The following TIMM44 variants were observed in gnomAD, a reference collection of about 807,000 sequenced individuals.
TIMM44 encodes the protein translocase of inner mitochondrial membrane 44.
TIMM44 carries 37 observed loss-of-function variants against 63.8 expected under a neutral mutation model. The ratio of observed to expected loss-of-function variants is 0.58; its 90% CI spans 0.45 to 0.76. The LOEUF is 0.76. Ranked by LOEUF, TIMM44 falls within the 30% of genes least tolerant of loss-of-function variation. The probability of loss-of-function intolerance (pLI) is 0.00; values close to 1 mark genes in which losing one functional copy is unlikely to be tolerated. For missense variants in TIMM44, 573 were observed against 603.8 expected, an observed-to-expected ratio of 0.95 and a Z score of 0.54; for synonymous variants, 239 against 245.1, an observed-to-expected ratio of 0.98 and a Z score of 0.23.
chr19:7,928,748 G>C (rs1250109875), intron 10 of TIMM44: 1 of 150,656 alleles, frequency 6.6e-6, no homozygotes, highest in African/African-American at 2.4e-5. Flanking sequence ...GCGGAGGGGA[G>C]AGAAAAAAAA....
chr19:7,931,841 C>G (rs1237680452), intron 9 of TIMM44: 1 of 157,628 alleles, frequency 6.3e-6, no homozygotes, highest in Non-Finnish European at 1.4e-5. Context: ...GCACCCATCA[C>G]CCATCCCGGA....
chr19:7,942,439 G>GGA (rs1984335519), intron 1 of TIMM44, among the ~76,000 whole-genome samples: 1 of 143,734 alleles, frequency 7.0e-6, no homozygotes, highest in African/African-American at 2.5e-5. Context: ...AAAATTGGGG[G>GGA]AAAAAAAAAA....
intron 9 of TIMM44, chr19:7,931,442 C>A: frequency 1.9e-6 from 1 of 521,166 alleles, no homozygotes; most frequent in East Asian, 3.3e-5. Flanking sequence ...AGGCACCCCA[C>A]AGGGGGACCC....
intron 10 of TIMM44, among the ~76,000 whole-genome samples, chr19:7,930,555 C>T (rs1800834379): frequency 6.6e-6 from 1 of 152,136 alleles, no homozygotes; most frequent in Non-Finnish European, 1.5e-5. Flanking sequence ...AATCGCCTGC[C>T]TTGGCATCCC....
intron 3 of TIMM44, 85 bp from the exon 4 acceptor site, chr19:7,935,230 C>T (rs1431771715): frequency 5.7e-6 from 7 of 1,225,116 alleles, no homozygotes; most frequent in Admixed American, 2.1e-5. Context: ...CAGTGGCACG[C>T]TCTCGGCTCA....
intron 2 of TIMM44, among the ~76,000 whole-genome samples, chr19:7,938,662 CTGCGCATGGTGGTGTG>C (rs1468844679): frequency 6.6e-6 from 1 of 152,058 alleles, no homozygotes; most frequent in Non-Finnish European, 1.5e-5. Flanking sequence ...CAAAAGTTAG[CTGCGCATGGTGGTGTG>C]TGCCTTTAGT....
chr19:7,932,029 C>A (rs753517046), intron 9 of TIMM44, among the ~76,000 whole-genome samples: 3 of 152,188 alleles, frequency 2.0e-5, no homozygotes, highest in African/African-American at 7.2e-5. Context: ...AGGCCTGGCC[C>A]GACTGGGCCG....
chr19:7,942,163 A>G (rs1158792243), intron 1 of TIMM44, among the ~76,000 whole-genome samples: 1 of 152,154 alleles, frequency 6.6e-6, no homozygotes, highest in Non-Finnish European at 1.5e-5. Flanking sequence ...CCTGGCCAAC[A>G]TGGTGAAATC....
intron 4 of TIMM44, 33 bp downstream of exon 4, chr19:7,935,032 C>A (rs746584282): frequency 1.0e-5 from 16 of 1,594,836 alleles, no homozygotes; most frequent in Non-Finnish European, 1.4e-5. Context: ...CTTTGATGGC[C>A]CCAGCGGCTC....
chr19:7,941,788 G>T (rs939212260), intron 1 of TIMM44, among the ~76,000 whole-genome samples: 4 of 152,114 alleles, frequency 2.6e-5, no homozygotes, highest in Non-Finnish European at 5.9e-5. Flanking sequence ...GGGGAAGAAG[G>T]CTAAATGTAC....
rs775109125 is a variant in TIMM44, at chr19:7,941,208, G to A, written c.46-11C>T. On this transcript the variant is annotated splice_polypyrimidine_tract_variant and intron_variant, in intron 1 of 12. Coordinates refer to ENST00000270538, the MANE Select transcript of TIMM44 (RefSeq NM_006351.4). ...ACTGCCGAGGCATCTCTAATTGGGG[G>A]GAGAGAAGAGAAAGATCCATTCTAA... 1.3e-6 allele frequency: 2 copies of A among 1,598,728 alleles called. No homozygotes were observed. The highest frequency in any genetic ancestry group is 8.6e-7 in the Non-Finnish European group (1 of 1,166,090).
rs1352393916 is a variant in TIMM44, at chr19:7,943,616, G to C, written c.36C>G (p.Arg12=). 1 of 1,560,072 alleles carries C rather than the reference G, an allele frequency of 6.4e-7. No homozygotes were observed. Among genetic ancestry groups the C allele is most frequent in the East Asian group, 2.4e-5 (1 of 41,692 alleles). ...AAAALRSGWC[R]CPRRCLGSGI... ...CCGCACCGCCGCTCACCCGTGGACA[G>C]CGGCACCAGCCACTCCGCAGGGCCG... is the stretch of plus-strand genomic sequence containing the variant. Residue 12 remains arginine (R), a synonymous_variant, in exon 1 of 13, where the codon CGC becomes CGG. Coordinates refer to ENST00000270538, the MANE Select transcript of TIMM44 (RefSeq NM_006351.4). The surrounding 1 kb of genome is among the most constrained non-coding windows in gnomAD (Gnocchi z 4.3).
chr19:7,933,575 G>T lies in TIMM44; in HGVS notation c.684-5C>A, dbSNP rs770645401. On this transcript the variant is annotated splice_polypyrimidine_tract_variant and splice_region_variant and intron_variant, in intron 6 of 12. Coordinates refer to ENST00000270538, the MANE Select transcript of TIMM44 (RefSeq NM_006351.4). This position sits in a 1 kb window ranked among gnomAD's most constrained non-coding sequence, Gnocchi z 4.3. Reference sequence around the variant, plus strand: ...AGCACGACCCCCAGGGCCTCCCTGGGGAAGAGGGTGGGCCCTGGGGTGAGC... The same window carrying T: ...AGCACGACCCCCAGGGCCTCCCTGGTGAAGAGGGTGGGCCCTGGGGTGAGC... 6.2e-7 allele frequency: 1 copy of T among 1,613,570 alleles called. No individual in the cohort carries two copies. The highest frequency in any genetic ancestry group is 2.2e-5 in the East Asian group (1 of 44,832).
intron 9 of TIMM44, 61 bp from the exon 10 acceptor site, chr19:7,931,249 G>T: frequency 6.7e-7 from 1 of 1,495,300 alleles, no homozygotes; most frequent in Non-Finnish European, 9.3e-7. Context: ...AGCAGGCGAG[G>T]TCCTGGGAAC....
chr19:7,941,283 A>AC, intron 1 of TIMM44, 86 bp from the exon 2 acceptor site: 1 of 1,039,630 alleles, frequency 9.6e-7, no homozygotes, highest in Non-Finnish European at 1.5e-6. Context: ...CAGCAGGGTC[A>AC]CCTGCAACTC....
chr19:7,930,973 G>C (rs1228304785), intron 10 of TIMM44, among the ~76,000 whole-genome samples, 165 bp downstream of exon 10: 2 of 151,994 alleles, frequency 1.3e-5, no homozygotes, highest in East Asian at 1.9e-4. Context: ...AAAGGGGCAG[G>C]GGGGGATGTC....
Position 7,933,623 on chromosome 19 carries a change from G to C in TIMM44, c.684-53C>G, listed in dbSNP as rs1270828802. 8 of 1,516,088 alleles carry C rather than the reference G, an allele frequency of 5.3e-6. No individual in the cohort carries two copies. In the East Asian group the frequency reaches 1.8e-4, roughly 34 times the overall value. 93.9% of individuals were successfully genotyped at this position (1,516,088 alleles called of 1,614,324 possible). On this transcript the variant is annotated intron_variant, in intron 6 of 12. Coordinates refer to ENST00000270538, the MANE Select transcript of TIMM44 (RefSeq NM_006351.4). This position sits in a 1 kb window ranked among gnomAD's most constrained non-coding sequence, Gnocchi z 4.3. ...AGCGGCGGCGCCAGGGCCACCCTGT[G>C]CCCTCCTGCGGCTGCAGGCAGGGGG...
At chr19:7,932,986 C>T in intron 7 of TIMM44, 54 bp from the exon 8 acceptor site, 2 of 1,421,634 alleles carry the variant, frequency 1.4e-6, no homozygotes, top group Non-Finnish European at 2.0e-6. Flanking sequence ...AAACACAACC[C>T]TCCCTCACAG....
chr19:7,932,773 G>A, intron 8 of TIMM44, 22 bp from the exon 9 acceptor site: 2 of 1,614,054 alleles, frequency 1.2e-6, no homozygotes, highest in Non-Finnish European at 1.7e-6. Flanking sequence ...AGAGCCGGGA[G>A]TTCGGGGGGA....
Sources: gnomAD v4.1 joint callset for allele counts (sites outside exome capture counted in the v4.1 genomes callset) on GRCh38, gnomAD v4.1.1 for gene constraint, Gnocchi (gnomAD v3.1) non-coding constraint, MANE v1.5 for transcripts, NCBI Gene and HGNC (gene_info 2026-07-23, HGNC 2026-07-21) for gene names.